LOXL4: variants seen among roughly 807,000 people sequenced by gnomAD.
LOXL4 encodes lysyl oxidase homolog 4.
A neutral mutation model predicts 89.1 loss-of-function variants in LOXL4; 72 were observed. That is an observed-to-expected ratio of 0.81 (90% confidence interval 0.67 to 0.98). LOXL4 has a LOEUF of 0.98. Ranked by LOEUF, LOXL4 falls within the 50% of genes least tolerant of loss-of-function variation. The pLI, the probability that LOXL4 is intolerant of heterozygous loss-of-function variation, is 0.00. For synonymous variants in LOXL4, 355 were observed against 392.1 expected (o/e 0.91, Z 1.12); for missense variants, 984 against 1,017.5 (o/e 0.97, Z 0.45).
intron 10 of LOXL4, among the ~76,000 whole-genome samples, 189 bp from the exon 11 acceptor site, chr10:98,253,985 G>A (rs1435726760): frequency 6.6e-6 from 1 of 152,166 alleles, no homozygotes; most frequent in Non-Finnish European, 1.5e-5. Flanking sequence ...ACCTTAACCT[G>A]GGAGGCAGCT....
At chr10:98,263,732 C>CTTT (rs372675359) in intron 1 of LOXL4, among the ~76,000 whole-genome samples, 5 of 138,850 alleles carry the variant, frequency 3.6e-5, no homozygotes, top group Non-Finnish European at 6.3e-5. Context: ...TTCTTTCTTT[C>CTTT]TTTTTTTTTT....
At position 98,262,058 on chromosome 10, in the gene LOXL4, C is replaced by A; in HGVS notation, c.433G>T (p.Val145Phe). ...ACCTGGGGCCCAAGGGCATTGGAGA[C>A]AGTTTCAGAAAGGTAGCCACGATGG... ...RRHRGYLSET[V>F]SNALGPQGRR... The change falls in exon 3 of 15, where the codon GTC (valine) becomes TTC (phenylalanine). Residue 145 changes from valine to phenylalanine, a missense_variant. Coordinates refer to ENST00000260702, the MANE Select transcript of LOXL4 (RefSeq NM_032211.7). 6.2e-7 allele frequency: 1 copy of A among 1,611,152 alleles called. No individual in the cohort carries two copies. Among genetic ancestry groups the A allele is most frequent in the Non-Finnish European group, 8.5e-7 (1 of 1,178,896 alleles).
At chr10:98,267,732 TAGTTGG>T (rs981608456) in intron 1 of LOXL4, among the ~76,000 whole-genome samples, 13 of 152,078 alleles carry the variant, frequency 8.5e-5, no homozygotes, top group South Asian at 2.1e-4. Flanking sequence ...CCGGTCTGGA[TAGTTGG>T]AGAGCCCAGA....
In LOXL4 at chr10:98,261,130, G is replaced by A; in HGVS notation, c.457-3C>T. On this transcript the variant is annotated splice_polypyrimidine_tract_variant and splice_region_variant and intron_variant, in intron 3 of 14. Coordinates refer to ENST00000260702, the MANE Select transcript of LOXL4 (RefSeq NM_032211.7). ...CGCACCTCCTCCAGCCGCCGGCCCT[G>A]CGGGGTGCACAGTCACCTGTGGGCC... 2 of 1,610,284 alleles carry A rather than the reference G, an allele frequency of 1.2e-6. No homozygotes were observed. Among genetic ancestry groups the A allele is most frequent in the Non-Finnish European group, 1.7e-6 (2 of 1,179,894 alleles).
At position 98,252,367 on chromosome 10, in the gene LOXL4, G is replaced by A; in HGVS notation, c.1937C>T (p.Thr646Ile). 1 of 1,613,416 alleles carries A rather than the reference G, an allele frequency of 6.2e-7. No individual in the cohort carries two copies. The highest frequency in any genetic ancestry group is 2.2e-5 in the East Asian group (1 of 44,868). Residue 646 changes from threonine to isoleucine, a missense_variant, in exon 12 of 15, where the codon ACA (threonine) becomes ATA (isoleucine). By Grantham distance (89) the Thr-to-Ile change is moderately conservative (BLOSUM62 -1). Transcript: ENST00000260702. ...GHKASFCLED[T>I]NCPTGLQRRY... is the part of the protein sequence containing the mutation. The stretch of plus-strand genomic sequence containing the variant: ...AAACCACATACCTGTGGGGCAGTTT[G>A]TGTCCTCCAGACAGAAGCTGGCCTT...
chr10:98,259,214 G>C lies in LOXL4; in HGVS notation c.716C>G (p.Thr239Arg). 6.2e-7 allele frequency: 1 copy of C among 1,611,010 alleles called. No homozygotes were observed. Among genetic ancestry groups the C allele is most frequent in the Non-Finnish European group, 8.5e-7 (1 of 1,179,068 alleles). ...RDPKSRLKSL[T>R]NKNSFWIHQV... ...GTGGATCCAGAAGGAGTTCTTATTC[G>C]TCAGGCTCTTCAGCCTAGAGGACAA... Residue 239 changes from threonine to arginine, a missense_variant, in exon 6 of 15, where the codon ACG becomes AGG. Coordinates refer to ENST00000260702, the MANE Select transcript of LOXL4 (RefSeq NM_032211.7).
At chr10:98,259,297 A>C in intron 5 of LOXL4, 69 bp from the exon 6 acceptor site, 1 of 1,555,664 alleles carries the variant, frequency 6.4e-7, no homozygotes, top group South Asian at 1.1e-5. Context: ...AGGGAGGCCA[A>C]GGTAGAAAGG....
At chr10:98,256,549 T>G in intron 9 of LOXL4, 1 of 571,210 alleles carries the variant, frequency 1.8e-6, no homozygotes, top group Non-Finnish European at 3.1e-6. Context: ...CTGACTAATT[T>G]CTATTCATCT....
intron 1 of LOXL4, among the ~76,000 whole-genome samples, chr10:98,266,890 G>C (rs1308280016): frequency 6.6e-6 from 1 of 152,070 alleles, no homozygotes; most frequent in Admixed American, 6.6e-5. Context: ...GACTCCACCT[G>C]TCTGTTCCCC....
At chr10:98,260,808 T>G in intron 4 of LOXL4, 114 bp downstream of exon 4, 1 of 1,133,688 alleles carries the variant, frequency 8.8e-7, no homozygotes, top group Non-Finnish European at 1.3e-6. Flanking sequence ...CTCACATGAG[T>G]CCACACTCAG....
intron 9 of LOXL4, chr10:98,255,963 A>C (rs1454216452): frequency 4.1e-6 from 2 of 484,608 alleles, no homozygotes; most frequent in Non-Finnish European, 7.2e-6. Flanking sequence ...AAATCCACCC[A>C]CCGTGGCTTC....
chr10:98,262,291 C>A, intron 2 of LOXL4, 78 bp from the exon 3 acceptor site: 6 of 1,471,676 alleles, frequency 4.1e-6, no homozygotes, highest in Non-Finnish European at 5.6e-6. Flanking sequence ...GGACCCCACA[C>A]TTACCAAGTC....
At chr10:98,255,435 C>T in intron 10 of LOXL4, 142 bp downstream of exon 10, 2 of 906,506 alleles carry the variant, frequency 2.2e-6, no homozygotes, top group Non-Finnish European at 3.2e-6. Context: ...GGTGATTTGG[C>T]CACACAGCTG....
At position 98,248,708 on chromosome 10, in the gene LOXL4, G is replaced by A; in HGVS notation, c.*213C>T. 1 of 541,786 alleles carries A rather than the reference G, an allele frequency of 1.8e-6. No individual in the cohort carries two copies. Among genetic ancestry groups the A allele is most frequent in the South Asian group, 2.4e-5 (1 of 42,138 alleles). The allele number at this position is 541,786 out of a possible 1,614,324, so 33.6% of individuals were successfully genotyped here. ...AAAGCCTGGAGGACATATTCCATAG[G>A]CCACAGGCCCTTAGGGGCAGGCCCA... On this transcript the variant is annotated 3_prime_UTR_variant, in exon 15 of 15. Coordinates refer to ENST00000260702, the MANE Select transcript of LOXL4 (RefSeq NM_032211.7).
chr10:98,255,757 G>T lies in LOXL4; in HGVS notation c.1429-18C>A, dbSNP rs771293427. On this transcript the variant is annotated intron_variant, in intron 9 of 14. Coordinates refer to ENST00000260702, the MANE Select transcript of LOXL4 (RefSeq NM_032211.7). Reference sequence around the variant, plus strand: ...CAGGTTTCCTAAGAAGACAGCCAGCGTCACCCAGTCAGCGTGCCTTTGGAG... The same window carrying T: ...CAGGTTTCCTAAGAAGACAGCCAGCTTCACCCAGTCAGCGTGCCTTTGGAG... 3.7e-6 allele frequency: 6 copies of T among 1,601,058 alleles called. No homozygotes were observed. The Admixed American group carries it at 1.0e-4, about 27-fold the overall frequency.
intron 11 of LOXL4, among the ~76,000 whole-genome samples, chr10:98,252,885 G>C (rs1858243458): frequency 6.6e-6 from 1 of 152,246 alleles, no homozygotes; most frequent in East Asian, 1.9e-4. Flanking sequence ...TATAATGACA[G>C]CTCTGTTCAT....
intron 4 of LOXL4, among the ~76,000 whole-genome samples, chr10:98,260,167 A>C (rs1490674756): frequency 6.6e-6 from 1 of 152,202 alleles, no homozygotes; most frequent in African/African-American, 2.4e-5. Flanking sequence ...TGTTTCTGAC[A>C]GAATATTTTT....
chr10:98,252,183 C>A (rs1365089471), intron 12 of LOXL4, 170 bp downstream of exon 12: 4 of 599,444 alleles, frequency 6.7e-6, no homozygotes, highest in Non-Finnish European at 1.2e-5. Context: ...GTAAAAACCT[C>A]CTGCGTAAGA....
At chr10:98,262,256 G>A (rs759314262) in intron 2 of LOXL4, 43 bp from the exon 3 acceptor site, 6 of 1,604,864 alleles carry the variant, frequency 3.7e-6, no homozygotes, top group Non-Finnish European at 5.1e-6. Flanking sequence ...CAGAGAGGCA[G>A]GTCACAGGCT....
Sources: gnomAD v4.1 joint callset for allele counts (sites outside exome capture counted in the v4.1 genomes callset) on GRCh38, gnomAD v4.1.1 for gene constraint, MANE v1.5 for transcripts, NCBI Gene and HGNC (gene_info 2026-07-23, HGNC 2026-07-21) for gene names.